Variants in UEVLD observed in about 807,000 individuals in gnomAD.
The protein encoded by UEVLD is UEV and lactate/malate dehyrogenase domains, also known as ubiquitin-conjugating enzyme E2 variant 3.
In UEVLD, 47 loss-of-function variants were observed where a neutral mutation model predicts 58.6. The ratio of observed to expected loss-of-function variants is 0.80; its 90% CI spans 0.63 to 1.02. UEVLD has a LOEUF of 1.02. UEVLD is among the 50% of genes least tolerant of loss of function. The pLI is 0.00. For missense variants in UEVLD, 510 were observed against 550.6 expected, an observed-to-expected ratio of 0.93 and a Z score of 0.74; for synonymous variants, 197 against 195.3, an observed-to-expected ratio of 1.01 and a Z score of -0.07.
Position 18,565,893 on chromosome 11 carries a change from T to TTTCTTTC in UEVLD, c.493+453_493+454insGAAAGAA, listed in dbSNP as rs1317631901. ...TGTGATAAAGGCAAAGGAATTACTT[T>TTTCTTTC]TTTTTTCTTTTTTTTTTTTTTTTGA... On this transcript the variant is annotated intron_variant, in intron 5 of 11. Coordinates refer to ENST00000396197, the MANE Select transcript of UEVLD (RefSeq NM_001040697.4). Among the ~76,000 whole-genome samples the TTTCTTTC allele has an allele frequency of 4.8e-5, 6 of 125,098 alleles. 1 individual carries two copies. Among genetic ancestry groups the TTTCTTTC allele is most frequent in the Non-Finnish European group, 7.7e-5 (4 of 51,782 alleles). 82.1% of individuals were successfully genotyped at this position (125,098 alleles called of 152,430 possible).
At chr11:18,581,162 CA>C (rs34170647) in intron 1 of UEVLD, among the ~76,000 whole-genome samples, 22,551 of 82,790 alleles carry the variant, frequency 0.27, 1,728 homozygotes, top group East Asian at 0.49. Flanking sequence ...GACTCAGTCT[CA>C]AAAAAAAAAA....
chr11:18,565,638 G>T (rs1036804994), intron 5 of UEVLD, among the ~76,000 whole-genome samples: 1 of 152,078 alleles, frequency 6.6e-6, no homozygotes, highest in African/African-American at 2.4e-5. Context: ...AAACCAGCCT[G>T]GCCAACATGG....
intron 6 of UEVLD, among the ~76,000 whole-genome samples, chr11:18,558,751 C>CG (rs1851871459): frequency 6.6e-6 from 1 of 150,522 alleles, no homozygotes; most frequent in African/African-American, 2.4e-5. Flanking sequence ...TCACTGCACT[C>CG]CAGCCTGGGC....
At chr11:18,536,338 TA>T in intron 10 of UEVLD, 67 bp downstream of exon 10, 1 of 1,440,816 alleles carries the variant, frequency 6.9e-7, no homozygotes, top group Non-Finnish European at 9.8e-7. Context: ...ACATACTGTA[TA>T]AATAGCTGTT....
rs1311152838 is a variant in UEVLD at position 18,564,889 on chromosome 11, T to C, written c.612+3A>G. 3.1e-6 allele frequency: 5 copies of C among 1,601,424 alleles called. No homozygotes were observed. In the South Asian group the frequency reaches 5.5e-5, roughly 18 times the overall value. ...TGTATTTATAACCACTATGTTTACATACCTTTGCTGAAATTGCTAATGTGC... is the reference window on the plus strand; with the variant it reads ...TGTATTTATAACCACTATGTTTACACACCTTTGCTGAAATTGCTAATGTGC... On this transcript the variant is annotated splice_donor_region_variant and intron_variant, in intron 6 of 11. Coordinates refer to ENST00000396197, the MANE Select transcript of UEVLD (RefSeq NM_001040697.4).
intron 9 of UEVLD, among the ~76,000 whole-genome samples, chr11:18,543,113 G>A (rs1340873754): frequency 1.3e-5 from 2 of 151,862 alleles, no homozygotes; most frequent in Admixed American, 6.6e-5. Context: ...GGATGGTCTC[G>A]ATCTCCTGAG....
chr11:18,578,730 T>A lies in UEVLD; in HGVS notation c.121A>T (p.Thr41Ser). The change falls in exon 2 of 12, where the codon ACC (threonine) becomes TCC (serine). Residue 41 changes from threonine (T) to serine (S), a missense_variant. Transcript: ENST00000396197. ...TAGAGGATATGATTCTTACCATAGG[T>A]GTCCATGGAATATTTGAAATGTGGG... ...FFPHFKYSMD[T>S]YVFKDSSQKD... 6.2e-7 allele frequency: 1 copy of A among 1,601,112 alleles called. No homozygotes were observed. Among genetic ancestry groups the A allele is most frequent in the Non-Finnish European group, 8.5e-7 (1 of 1,171,350 alleles).
At chr11:18,558,169 T>A in intron 7 of UEVLD, 59 bp downstream of exon 7, 3 of 1,286,140 alleles carry the variant, frequency 2.3e-6, no homozygotes, top group Admixed American at 2.0e-5. Flanking sequence ...GCATTAACAT[T>A]CTAGGAGTCA....
chr11:18,574,938 C>T (rs1232662466), intron 3 of UEVLD, among the ~76,000 whole-genome samples: 2 of 152,176 alleles, frequency 1.3e-5, no homozygotes, highest in African/African-American at 4.8e-5. Context: ...GTCTGTCTTG[C>T]TTTCCTTTGT....
At chr11:18,563,428 A>C (rs1208105369) in intron 6 of UEVLD, among the ~76,000 whole-genome samples, 3 of 150,946 alleles carry the variant, frequency 2.0e-5, no homozygotes, top group African/African-American at 7.3e-5. Context: ...CTGTCTCTAC[A>C]AAAAAATACA....
At chr11:18,534,526 T>TA in intron 10 of UEVLD, 73 bp from the exon 11 acceptor site, 1 of 1,457,418 alleles carries the variant, frequency 6.9e-7, no homozygotes, top group Non-Finnish European at 9.2e-7. Flanking sequence ...CTGGCTAAGG[T>TA]ATTAATTAGA....
chr11:18,534,425 G>T lies in UEVLD; in HGVS notation c.1153C>A (p.Gln385Lys). ...GATAGTCCAACAGACCAGGATCTTTGACCTTTTACTCTTAGCAGTTCCATG... is the reference window on the plus strand; with the variant it reads ...GATAGTCCAACAGACCAGGATCTTTTACCTTTTACTCTTAGCAGTTCCATG... ...RAMELLRVKG[Q>K]RSWSVGLSVA... The change falls in exon 11 of 12, where the codon CAA (glutamine) becomes AAA (lysine). Residue 385 changes from glutamine (Q) to lysine (K), a missense_variant. Physicochemically the swap from Gln to Lys is moderately conservative, Grantham distance 53 (BLOSUM62 1). Coordinates refer to ENST00000396197, the MANE Select transcript of UEVLD (RefSeq NM_001040697.4). The T allele has an allele frequency of 1.9e-6, 3 of 1,576,268 alleles. No homozygotes were observed. In the South Asian group the frequency reaches 3.6e-5, roughly 19 times the overall value.
At chr11:18,579,136 T>C (rs909089176) in intron 1 of UEVLD, among the ~76,000 whole-genome samples, 2 of 151,890 alleles carry the variant, frequency 1.3e-5, no homozygotes, top group Non-Finnish European at 2.9e-5. Flanking sequence ...CAAAGTGCTG[T>C]GGTTACAGGC....
chr11:18,547,202 T>G (rs1851339015), intron 7 of UEVLD, 152 bp from the exon 8 acceptor site: 2 of 764,588 alleles, frequency 2.6e-6, no homozygotes, highest in Non-Finnish European at 4.0e-6. Context: ...GCATATAAAA[T>G]GCGGAGGTTT....
rs180992244 is a variant in UEVLD, at chr11:18,583,070, G to A, written c.43-4262C>T. Among the ~76,000 whole-genome samples, 674 of 147,670 alleles carry A rather than the reference G, an allele frequency of 4.6e-3. 5 individuals are homozygous for A. The highest frequency in any genetic ancestry group is 7.6e-3 in the Non-Finnish European group (508 of 66,946). ...CCCGAGTAGCTGGGATTACAGATGC[G>A]CATCACCACACCTGGCTAATTTTTT... is the stretch of plus-strand genomic sequence containing the variant. On this transcript the variant is annotated intron_variant, in intron 1 of 11. Coordinates refer to ENST00000396197, the MANE Select transcript of UEVLD (RefSeq NM_001040697.4).
chr11:18,550,700 C>T (rs1321003570), intron 7 of UEVLD, among the ~76,000 whole-genome samples: 1 of 152,196 alleles, frequency 6.6e-6, no homozygotes, highest in Non-Finnish European at 1.5e-5. Flanking sequence ...CCTCCTCACT[C>T]TCTTGTCATG....
intron 1 of UEVLD, 66 bp from the exon 2 acceptor site, chr11:18,578,874 C>T (rs1279280781): frequency 3.7e-5 from 37 of 1,011,912 alleles, no homozygotes; most frequent in Non-Finnish European, 4.9e-5. Context: ...TTGCAGTTAA[C>T]TTTTTTTTTT....
intron 1 of UEVLD, among the ~76,000 whole-genome samples, chr11:18,587,093 T>C (rs1408991410): frequency 6.6e-6 from 1 of 152,034 alleles, no homozygotes; most frequent in Non-Finnish European, 1.5e-5. Flanking sequence ...TATGCACTGA[T>C]GGGGAAAAAA....
At chr11:18,584,507 C>T (rs1853436714) in intron 1 of UEVLD, among the ~76,000 whole-genome samples, 1 of 152,224 alleles carries the variant, frequency 6.6e-6, no homozygotes, top group African/African-American at 2.4e-5. Flanking sequence ...TCTACACATA[C>T]ATTGTCCAAT....
Sources: gnomAD v4.1 joint callset for allele counts (sites outside exome capture counted in the v4.1 genomes callset) on GRCh38, gnomAD v4.1.1 for gene constraint, MANE v1.5 for transcripts, NCBI Gene and HGNC (gene_info 2026-07-23, HGNC 2026-07-21) for gene names.